TANGO6: variants seen among roughly 807,000 people sequenced by gnomAD.
TANGO6 encodes transport and golgi organization 6 homolog.
Under a neutral mutation model 114.2 loss-of-function variants are expected in TANGO6, and 90 were observed. That is an observed-to-expected ratio of 0.79 (90% CI 0.66 to 0.94). The LOEUF (loss-of-function observed/expected upper bound fraction) is 0.94, where lower values mean the gene tolerates loss of function less well. TANGO6 is among the 40% of genes least tolerant of loss of function. The pLI, the probability that TANGO6 is intolerant of heterozygous loss-of-function variation, is 0.00. For synonymous variants in TANGO6, 477 were observed against 509.8 expected, an observed-to-expected ratio of 0.94 and a Z score of 0.87; for missense variants, 1,274 against 1,315.3, an observed-to-expected ratio of 0.97 and a Z score of 0.49.
intron 15 of TANGO6, among the ~76,000 whole-genome samples, chr16:68,977,490 G>C (rs1420579002): frequency 1.3e-5 from 2 of 150,792 alleles, no homozygotes; most frequent in Non-Finnish European, 3.0e-5. Context: ...CCGAGACGAC[G>C]ATCAAGAGAT....
intron 15 of TANGO6, among the ~76,000 whole-genome samples, chr16:68,979,934 T>C (rs1347579603): frequency 6.6e-6 from 1 of 151,668 alleles, no homozygotes; most frequent in Non-Finnish European, 1.5e-5. Flanking sequence ...AACGTCCGGC[T>C]GCCAGGTTCA....
At chr16:68,854,172 G>A (rs1240709450) in intron 1 of TANGO6, among the ~76,000 whole-genome samples, 2 of 151,994 alleles carry the variant, frequency 1.3e-5, no homozygotes, top group East Asian at 3.9e-4. Flanking sequence ...TAAGAATTCT[G>A]TCTGGGCACA....
At position 69,075,441 on chromosome 16, in the gene TANGO6, C is replaced by A. The variant is rs1213736933; in HGVS notation, c.3109-8044C>A. Among the ~76,000 whole-genome samples the A allele has an allele frequency of 2.0e-5, 3 of 151,364 alleles. No homozygotes were observed. In the Admixed American group the frequency reaches 2.0e-4, roughly 10 times the overall value. ...AGAACAGTAGAAACTCTACACAACA[C>A]GAATTCAACTTTTATTTTTTTTTTT... is the stretch of plus-strand genomic sequence containing the variant. On this transcript the variant is annotated intron_variant, in intron 17 of 17. Coordinates refer to ENST00000261778, the MANE Select transcript of TANGO6 (RefSeq NM_024562.2).
At chr16:69,011,992 A>G (rs889310358) in intron 15 of TANGO6, among the ~76,000 whole-genome samples, 1 of 152,202 alleles carries the variant, frequency 6.6e-6, no homozygotes, top group Non-Finnish European at 1.5e-5. Context: ...CACCTTCCAA[A>G]GCAACTCATT....
intron 12 of TANGO6, among the ~76,000 whole-genome samples, chr16:68,921,179 T>G (rs954322784): frequency 4.0e-5 from 6 of 150,900 alleles, no homozygotes; most frequent in African/African-American, 1.5e-4. Context: ...TCATTTTTCT[T>G]TTTTCTTTTC....
At chr16:68,871,519 A>G (rs937897964) in intron 4 of TANGO6, among the ~76,000 whole-genome samples, 1 of 152,176 alleles carries the variant, frequency 6.6e-6, no homozygotes, top group Non-Finnish European at 1.5e-5. Context: ...TGAGATTTGA[A>G]TGACACCAAA....
chr16:69,070,632 C>CAAA (rs576612652), intron 17 of TANGO6, among the ~76,000 whole-genome samples: 8 of 87,064 alleles, frequency 9.2e-5, no homozygotes, highest in South Asian at 3.4e-4. Flanking sequence ...GACTCCATCT[C>CAAA]AAAAAAAAAA....
intron 1 of TANGO6, among the ~76,000 whole-genome samples, chr16:68,856,838 G>A (rs778162743): frequency 4.6e-5 from 7 of 152,282 alleles, no homozygotes; most frequent in East Asian, 1.9e-4. Flanking sequence ...GGCCAGGCGC[G>A]GTGGCTCATG....
At chr16:68,887,976 C>T (rs928309216) in intron 7 of TANGO6, among the ~76,000 whole-genome samples, 3 of 152,154 alleles carry the variant, frequency 2.0e-5, no homozygotes, top group African/African-American at 4.8e-5. Flanking sequence ...GGGCTTTTTA[C>T]TCTTGCGTCC....
At chr16:68,945,607 GA>G (rs1232892248) in intron 14 of TANGO6, among the ~76,000 whole-genome samples, 5 of 152,078 alleles carry the variant, frequency 3.3e-5, no homozygotes, top group African/African-American at 1.2e-4. Flanking sequence ...CTTCACTCAT[GA>G]CTAGTGATGT....
chr16:68,848,133 T>A (rs1345507275), intron 1 of TANGO6, among the ~76,000 whole-genome samples: 3 of 152,158 alleles, frequency 2.0e-5, no homozygotes, highest in African/African-American at 4.8e-5. Context: ...TCTCCCTGTG[T>A]TGCCCAGCCG....
At chr16:68,939,908 A>G (rs767057573) in intron 14 of TANGO6, among the ~76,000 whole-genome samples, 34 of 150,856 alleles carry the variant, frequency 2.3e-4, no homozygotes, top group Non-Finnish European at 4.9e-4. Context: ...ACATATCTAC[A>G]TCTTCTGGGT....
At chr16:68,919,899 T>C (rs1355189114) in intron 12 of TANGO6, among the ~76,000 whole-genome samples, 1 of 151,898 alleles carries the variant, frequency 6.6e-6, no homozygotes, top group Non-Finnish European at 1.5e-5. Flanking sequence ...TAAAAAAAAT[T>C]AGCTGGGCGT....
At chr16:69,021,931 G>T (rs1959414288) in intron 15 of TANGO6, among the ~76,000 whole-genome samples, 1 of 149,102 alleles carries the variant, frequency 6.7e-6, no homozygotes. Context: ...TGTTGCCCAG[G>T]CTGGAGTGCA....
At chr16:68,874,611 C>G (rs1030738205) in intron 4 of TANGO6, among the ~76,000 whole-genome samples, 1 of 152,086 alleles carries the variant, frequency 6.6e-6, no homozygotes, top group Non-Finnish European at 1.5e-5. Context: ...ATTATAGTGA[C>G]TAAGTGCTAG....
At chr16:68,852,937 A>C (rs1032783725) in intron 1 of TANGO6, among the ~76,000 whole-genome samples, 2 of 152,202 alleles carry the variant, frequency 1.3e-5, no homozygotes, top group African/African-American at 4.8e-5. Context: ...TTGCTTGATC[A>C]CATTTCTATC....
intron 9 of TANGO6, among the ~76,000 whole-genome samples, chr16:68,903,795 G>A (rs1403469097): frequency 2.6e-5 from 4 of 151,638 alleles, no homozygotes; most frequent in South Asian, 4.2e-4. Flanking sequence ...GGTGGCTGGC[G>A]CCTGTAGTCA....
chr16:69,083,440 T>G (rs1490917669), intron 17 of TANGO6, 45 bp from the exon 18 acceptor site: 1 of 1,571,752 alleles, frequency 6.4e-7, no homozygotes. Context: ...TACTGAGAAA[T>G]GCCGGCACAG....
intron 15 of TANGO6, among the ~76,000 whole-genome samples, chr16:69,004,972 G>T (rs1964079524): frequency 6.6e-6 from 1 of 152,170 alleles, no homozygotes; most frequent in African/African-American, 2.4e-5. Context: ...CCTAGGGTGG[G>T]ACTCTAACCC....
Sources: allele counts gnomAD v4.1 joint callset (sites outside exome capture counted in the v4.1 genomes callset), GRCh38; gene constraint gnomAD v4.1.1; transcripts MANE v1.5; gene names NCBI Gene and HGNC (gene_info 2026-07-23, HGNC 2026-07-21).